Variants in TRAK1 observed in about 807,000 individuals in gnomAD.
TRAK1 encodes the protein trafficking kinesin-binding protein 1.
A neutral mutation model predicts 92.1 loss-of-function variants in TRAK1; 33 were observed. The ratio of observed to expected loss-of-function variants is 0.36; its 90% CI spans 0.27 to 0.48. TRAK1 has a LOEUF of 0.48. Among genes scored for constraint, TRAK1 ranks in the 20% least tolerant of loss-of-function variants. The probability of loss-of-function intolerance (pLI) is 0.99; values close to 1 mark genes in which losing one functional copy is unlikely to be tolerated. For missense variants in TRAK1, 1,123 were observed against 1,257.9 expected (o/e 0.89, Z 1.62); for synonymous variants, 521 against 517.3 (o/e 1.01, Z -0.10).
chr3:42,218,096 C>A, intron 14 of TRAK1: 1 of 985,336 alleles, frequency 1.0e-6, no homozygotes, highest in Non-Finnish European at 1.2e-6. Flanking sequence ...AAAATCAGGG[C>A]AAACCATCTT....
chr3:42,184,762 C>T lies in TRAK1; in HGVS notation c.441C>T (p.Asn147=), dbSNP rs747039605. 7 of 1,614,018 alleles carry T rather than the reference C, an allele frequency of 4.3e-6. No individual in the cohort carries two copies. Among genetic ancestry groups the T allele is most frequent in the East Asian group, 2.2e-5 (1 of 44,874 alleles). The change falls in exon 4 of 16, where the codon AAC becomes AAT. Residue 147 remains asparagine, a synonymous_variant. Coordinates refer to ENST00000327628, the MANE Select transcript of TRAK1 (RefSeq NM_001042646.3). ...AGAACAAGACCCTAACCGAGAGGAA[C>T]GAGCTGCTGGAGGAGCAGGTGGAAC... ...LKKNKTLTER[N]ELLEEQVEHI...
intron 1 of TRAK1, among the ~76,000 whole-genome samples, chr3:42,111,215 C>T (rs1708350853): frequency 6.6e-6 from 1 of 152,160 alleles, no homozygotes; most frequent in Admixed American, 6.5e-5. Context: ...CTAACTGACT[C>T]CATCTTGCTC....
chr3:42,046,134 C>T (rs1344404141), intron 1 of TRAK1, among the ~76,000 whole-genome samples: 1 of 152,004 alleles, frequency 6.6e-6, no homozygotes, highest in Non-Finnish European at 1.5e-5. Context: ...TATGTCAGGC[C>T]GGTATCTAAG....
chr3:42,015,158 C>G (rs1046082960), intron 1 of TRAK1, among the ~76,000 whole-genome samples: 1 of 152,100 alleles, frequency 6.6e-6, no homozygotes, highest in Non-Finnish European at 1.5e-5. Context: ...ATGGCGCCTT[C>G]CCCTCTGTCT....
chr3:42,077,692 T>G (rs1704221882), intron 1 of TRAK1, among the ~76,000 whole-genome samples: 1 of 152,234 alleles, frequency 6.6e-6, no homozygotes, highest in Admixed American at 6.5e-5. Context: ...TCCTAGGTAT[T>G]TTGTTCTTTT....
At chr3:42,060,058 T>C (rs888025959) in intron 1 of TRAK1, among the ~76,000 whole-genome samples, 3 of 152,178 alleles carry the variant, frequency 2.0e-5, no homozygotes, top group African/African-American at 7.2e-5. Flanking sequence ...TCTGTTTTTT[T>C]CCCAATGATT....
At chr3:42,209,691 C>T (rs1708754058) in intron 13 of TRAK1, 76 bp from the exon 14 acceptor site, 2 of 1,435,944 alleles carry the variant, frequency 1.4e-6, no homozygotes, top group Non-Finnish European at 9.6e-7. Context: ...GGGTGGTAAA[C>T]AGCCATTGTC....
intron 13 of TRAK1, 63 bp from the exon 14 acceptor site, chr3:42,209,704 G>A: frequency 6.6e-7 from 1 of 1,512,566 alleles, no homozygotes; most frequent in Non-Finnish European, 9.0e-7. Context: ...CCATTGTCTT[G>A]GACTTCCATC....
At chr3:42,213,836 TG>T (rs1709363275) in intron 14 of TRAK1, among the ~76,000 whole-genome samples, 3 of 152,222 alleles carry the variant, frequency 2.0e-5, no homozygotes, top group Admixed American at 2.0e-4. Flanking sequence ...GTTCCCATGC[TG>T]TTGGGAACAC....
At chr3:42,149,071 C>T (rs1360962402) in intron 2 of TRAK1, among the ~76,000 whole-genome samples, 3 of 152,120 alleles carry the variant, frequency 2.0e-5, no homozygotes, top group Non-Finnish European at 4.4e-5. Flanking sequence ...GACATTTCCT[C>T]CATCTCTGCA....
In TRAK1 at chr3:42,202,564, A is replaced by G; in HGVS notation, c.1556A>G (p.Glu519Gly). ...YLSERRFFEE[E>G]QERKLQELAE... Reference sequence around the variant, plus strand: ...TCGGAGAGGAGGTTCTTTGAGGAGGAGCAAGAGAGGAAGCTCCAGGAGCTG... The same window carrying G: ...TCGGAGAGGAGGTTCTTTGAGGAGGGGCAAGAGAGGAAGCTCCAGGAGCTG... Residue 519 changes from glutamate (E) to glycine (G), a missense_variant, in exon 13 of 16, where the codon GAG becomes GGG. By Grantham distance (98) the Glu-to-Gly change is moderately conservative. Around this residue, in one of 3 missense-constraint regions of TRAK1, gnomAD observed 686 missense variants for 747.6 expected, o/e 0.92. Transcript: ENST00000327628. This position sits in a 1 kb window ranked among gnomAD's most constrained non-coding sequence, Gnocchi z 6.1. 1.3e-6 allele frequency: 2 copies of G among 1,584,912 alleles called. No individual in the cohort carries two copies. The highest frequency in any genetic ancestry group is 1.1e-5 in the South Asian group (1 of 88,528).
chr3:42,086,954 C>T (rs931058073), upstream of TRAK1: 13 of 152,254 alleles, frequency 8.5e-5, 1 homozygote, highest in South Asian at 2.7e-3. Context: ...TGAAACTAAG[C>T]AATGTGATTG....
chr3:42,194,509 T>A (rs987773745), intron 9 of TRAK1, among the ~76,000 whole-genome samples: 6 of 152,234 alleles, frequency 3.9e-5, no homozygotes, highest in Admixed American at 6.5e-5. Context: ...GTGCTGAGAT[T>A]ACAGCTGTAA....
At chr3:42,114,753 C>G (rs751782579) in intron 1 of TRAK1, among the ~76,000 whole-genome samples, 10 of 151,932 alleles carry the variant, frequency 6.6e-5, no homozygotes, top group Non-Finnish European at 1.3e-4. Flanking sequence ...CCCTCTGTTG[C>G]CCAGGCTGGA....
At chr3:42,135,693 C>T (rs767798728) in intron 2 of TRAK1, among the ~76,000 whole-genome samples, 3 of 152,230 alleles carry the variant, frequency 2.0e-5, no homozygotes, top group Non-Finnish European at 1.5e-5. Context: ...CTCTCTTCCT[C>T]GTCTGACTAG....
At chr3:42,129,226 G>C (rs1696873439) in intron 2 of TRAK1, among the ~76,000 whole-genome samples, 1 of 152,070 alleles carries the variant, frequency 6.6e-6, no homozygotes, top group African/African-American at 2.4e-5. Context: ...TGACTCACCA[G>C]TATGTTGTAT....
At chr3:42,189,821 G>A (rs960127740) in intron 6 of TRAK1, among the ~76,000 whole-genome samples, 5 of 152,206 alleles carry the variant, frequency 3.3e-5, no homozygotes, top group African/African-American at 9.6e-5. Context: ...GTGAGCCACC[G>A]TGCCTGGCAG....
chr3:42,167,804 C>T (rs917619809), intron 2 of TRAK1, among the ~76,000 whole-genome samples: 3 of 152,144 alleles, frequency 2.0e-5, no homozygotes, highest in East Asian at 1.9e-4. Context: ...GGCATGAACC[C>T]GTGAGGCAGA....
chr3:42,224,317 G>GT lies in TRAK1; in HGVS notation c.*581dup. 1 of 290,338 alleles carries GT rather than the reference G, an allele frequency of 3.4e-6. No individual in the cohort carries two copies. 18.0% of individuals were successfully genotyped at this position (290,338 alleles called of 1,614,324 possible). A position where few individuals can be genotyped will look rare whatever the true frequency, so the allele number is the denominator to read the frequency against. On this transcript the variant is annotated 3_prime_UTR_variant, in exon 16 of 16. Coordinates refer to ENST00000327628, the MANE Select transcript of TRAK1 (RefSeq NM_001042646.3). ...TCAAGACCTTCACTGCTCTGCCTCA[G>GT]TGGACAGTCGTTTCTTTTTTGAGGT... is the stretch of plus-strand genomic sequence containing the variant.
Sources: gnomAD v4.1 joint callset for allele counts (sites outside exome capture counted in the v4.1 genomes callset) on GRCh38, gnomAD v4.1.1 for gene constraint, gnomAD v4.1.1 regional missense constraint, Gnocchi (gnomAD v3.1) non-coding constraint, MANE v1.5 for transcripts, NCBI Gene and HGNC (gene_info 2026-07-23, HGNC 2026-07-21) for gene names.